The following GCC2 variants were observed in gnomAD, a reference collection of about 807,000 sequenced individuals.
GCC2 encodes GRIP and coiled-coil domain containing 2, also known as GRIP and coiled-coil domain-containing protein 2.
A neutral mutation model predicts 210.6 loss-of-function variants in GCC2; 120 were observed. That is an observed-to-expected ratio of 0.57 (90% CI 0.49 to 0.66). GCC2 has a LOEUF of 0.66. Ranked by LOEUF, GCC2 falls within the 30% of genes least tolerant of loss-of-function variation. The probability of loss-of-function intolerance (pLI) is 0.00; values close to 1 mark genes in which losing one functional copy is unlikely to be tolerated. For synonymous variants in GCC2, 703 were observed against 652.7 expected (o/e 1.08, Z -1.17); for missense variants, 1,868 against 1,871.9 (o/e 1.00, Z 0.04).
In GCC2 at chr2:108,470,662, T is replaced by G; in HGVS notation, c.1333T>G (p.Leu445Val). Residue 445 changes from leucine (L) to valine (V), a missense_variant, in exon 6 of 23, where the codon TTG becomes GTG. Physicochemically the swap from Leu to Val is conservative, Grantham distance 32. Transcript: ENST00000309863. ...AATATCAGAACTAAATGAGACATTTTTGTCAGATTCAGAAAAAGAAAAATT... is the reference window on the plus strand; with the variant it reads ...AATATCAGAACTAAATGAGACATTTGTGTCAGATTCAGAAAAAGAAAAATT... ...KEISELNETF[L>V]SDSEKEKLTL... 6.2e-7 allele frequency: 1 copy of G among 1,611,914 alleles called. No individual in the cohort carries two copies.
At chr2:108,468,368 C>T (rs1219278822) in intron 4 of GCC2, among the ~76,000 whole-genome samples, 3 of 152,116 alleles carry the variant, frequency 2.0e-5, no homozygotes, top group Non-Finnish European at 2.9e-5. Context: ...CCCCGACTTA[C>T]ATAGATATGC....
intron 4 of GCC2, among the ~76,000 whole-genome samples, chr2:108,464,827 C>T (rs1321143695): frequency 1.3e-5 from 2 of 152,166 alleles, no homozygotes; most frequent in Admixed American, 6.5e-5. Context: ...ATTCGTTCAT[C>T]GTTCTGCAAG....
At chr2:108,481,635 A>G (rs1281889433) in intron 9 of GCC2, 62 bp from the exon 10 acceptor site, 10 of 1,276,902 alleles carry the variant, frequency 7.8e-6, no homozygotes, top group Non-Finnish European at 1.1e-5. Context: ...TGGCTTGATG[A>G]TGAAGTCTGA....
chr2:108,493,999 C>T lies in GCC2; in HGVS notation c.4447+1209C>T, dbSNP rs541473065. 32 of 821,026 alleles carry T rather than the reference C, an allele frequency of 3.9e-5. No homozygotes were observed. In the South Asian group the frequency reaches 1.5e-3, roughly 38 times the overall value. 50.9% of individuals were successfully genotyped at this position (821,026 alleles called of 1,614,324 possible). A position where few individuals can be genotyped will look rare whatever the true frequency, so the allele number is the denominator to read the frequency against. ...CTGGTTTCTAACTCAGTTATGAGACCTTGGGCAAAGTCATTAAATTTCTCT... is the reference window on the plus strand; with the variant it reads ...CTGGTTTCTAACTCAGTTATGAGACTTTGGGCAAAGTCATTAAATTTCTCT... On this transcript the variant is annotated intron_variant, in intron 19 of 22. Coordinates refer to ENST00000309863, the MANE Select transcript of GCC2 (RefSeq NM_181453.4).
chr2:108,495,702 C>T (rs1682618479), intron 20 of GCC2: 1 of 318,458 alleles, frequency 3.1e-6, no homozygotes, highest in Non-Finnish European at 5.9e-6. Flanking sequence ...TTAAGTATTA[C>T]CTTACACGAT....
At chr2:108,469,159 T>A in intron 5 of GCC2, 75 bp downstream of exon 5, 1 of 808,982 alleles carries the variant, frequency 1.2e-6, no homozygotes, top group Non-Finnish European at 2.1e-6. Context: ...GGTAAGACTT[T>A]AAAAAGCATC....
At chr2:108,488,483 T>C (rs1682253478) in intron 17 of GCC2, among the ~76,000 whole-genome samples, 1 of 152,186 alleles carries the variant, frequency 6.6e-6, no homozygotes, top group Non-Finnish European at 1.5e-5. Context: ...AATTTAGAAG[T>C]AAAAATTAAA....
At chr2:108,467,396 C>A (rs1185405364) in intron 4 of GCC2, among the ~76,000 whole-genome samples, 1 of 152,110 alleles carries the variant, frequency 6.6e-6, no homozygotes, top group Non-Finnish European at 1.5e-5. Flanking sequence ...TTTCTAATTA[C>A]CTATAGATTC....
rs1198153560 is a variant in GCC2 at position 108,498,102 on chromosome 2, G to C, written c.4782+993G>C. Among the ~76,000 whole-genome samples the C allele has an allele frequency of 1.6e-4, 24 of 146,896 alleles. No individual in the cohort carries two copies. In the East Asian group the frequency reaches 2.2e-3, roughly 14 times the overall value. ...GCATCTCTATAAAATAACATTTTCT[G>C]ACTAATAAAAACATTATCGTAGCTA... On this transcript the variant is annotated intron_variant, in intron 21 of 22. Transcript: ENST00000309863.
At chr2:108,487,657 C>T (rs764948180) in intron 16 of GCC2, 42 bp from the exon 17 acceptor site, 1 of 1,556,304 alleles carries the variant, frequency 6.4e-7, no homozygotes, top group African/African-American at 1.4e-5. Flanking sequence ...TAGAAGGACC[C>T]TGTTACAGTA....
At chr2:108,479,158 G>A (rs897514030) in intron 9 of GCC2, among the ~76,000 whole-genome samples, 2 of 151,506 alleles carry the variant, frequency 1.3e-5, no homozygotes, top group South Asian at 2.1e-4. Context: ...GCGAGACAAC[G>A]TCTCAAAAAA....
chr2:108,483,143 C>G lies in GCC2; in HGVS notation c.3427C>G (p.Gln1143Glu), dbSNP rs1681959169. ...AAAGAAACAGCTTCAGAAAACCATGCAAGAATTAGAGCTGGTTAAAAAGGT... is the reference window on the plus strand; with the variant it reads ...AAAGAAACAGCTTCAGAAAACCATGGAAGAATTAGAGCTGGTTAAAAAGGT... ...KQKKQLQKTMQELELVKKDAQ... is the reference protein window; with the variant it reads ...KQKKQLQKTMEELELVKKDAQ... The change falls in exon 12 of 23, where the codon CAA becomes GAA. Residue 1143 changes from glutamine to glutamate, a missense_variant. This residue lies in a region of GCC2 where 1,847 missense variants were observed against 1,765.2 expected (regional missense o/e 1.05). Coordinates refer to ENST00000309863, the MANE Select transcript of GCC2 (RefSeq NM_181453.4). The G allele has an allele frequency of 1.3e-6, 2 of 1,539,326 alleles. No individual in the cohort carries two copies. Among genetic ancestry groups the G allele is most frequent in the South Asian group, 2.2e-5 (2 of 89,370 alleles).
In GCC2 at chr2:108,470,399, A is replaced by T; in HGVS notation, c.1070A>T (p.Tyr357Phe). ...QHSILKDEVT[Y>F]MNNLKLKLEM... ...AGTATCTTAAAAGATGAGGTAACTT[A>T]TATGAATAATCTTAAGTTAAAACTT... is the stretch of plus-strand genomic sequence containing the variant. The change falls in exon 6 of 23, where the codon TAT (tyrosine) becomes TTT (phenylalanine). Residue 357 changes from tyrosine to phenylalanine, a missense_variant. Coordinates refer to ENST00000309863, the MANE Select transcript of GCC2 (RefSeq NM_181453.4). The T allele has an allele frequency of 6.2e-7, 1 of 1,607,708 alleles. No homozygotes were observed. The highest frequency in any genetic ancestry group is 8.5e-7 in the Non-Finnish European group (1 of 1,175,404).
chr2:108,479,598 G>A (rs1403187742), intron 9 of GCC2, among the ~76,000 whole-genome samples: 2 of 152,024 alleles, frequency 1.3e-5, no homozygotes, highest in African/African-American at 2.4e-5. Context: ...CTGAGGTTGC[G>A]CCACTGCACT....
At position 108,475,303 on chromosome 2, in the gene GCC2, A is replaced by G. The variant is rs1034233333; in HGVS notation, c.2861-232A>G. ...ATTCCTGGAAACATATGAAACGGCTAGAAAAAAGTAGACTATTTTGGAGGA... is the reference window on the plus strand; with the variant it reads ...ATTCCTGGAAACATATGAAACGGCTGGAAAAAAGTAGACTATTTTGGAGGA... On this transcript the variant is annotated intron_variant, in intron 7 of 22. Transcript: ENST00000309863. 10 of 283,516 alleles carry G rather than the reference A, an allele frequency of 3.5e-5. No homozygotes were observed. In the East Asian group the frequency reaches 7.0e-4, roughly 20 times the overall value. The allele number at this position is 283,516 out of a possible 1,614,324, so 17.6% of individuals were successfully genotyped here. A position where few individuals can be genotyped will look rare whatever the true frequency, so the allele number is the denominator to read the frequency against.
chr2:108,455,009 T>A (rs1381820448), intron 4 of GCC2, among the ~76,000 whole-genome samples: 3 of 152,116 alleles, frequency 2.0e-5, no homozygotes, highest in Non-Finnish European at 4.4e-5. Context: ...CTAGAAAGTT[T>A]TTTATCCATT....
At chr2:108,456,489 T>G (rs1185986808) in intron 4 of GCC2, among the ~76,000 whole-genome samples, 3 of 152,242 alleles carry the variant, frequency 2.0e-5, no homozygotes, top group Admixed American at 2.0e-4. Flanking sequence ...GCCATTTCTT[T>G]GTCTTTTAAG....
At chr2:108,456,973 G>A (rs893838424) in intron 4 of GCC2, among the ~76,000 whole-genome samples, 7 of 149,982 alleles carry the variant, frequency 4.7e-5, no homozygotes, top group African/African-American at 1.5e-4. Flanking sequence ...AAAAATTTAA[G>A]ATGCCTTTCA....
At chr2:108,473,312 T>TA (rs11334213) in intron 7 of GCC2, 1,549 of 141,772 alleles carry the variant, frequency 0.011, 8 homozygotes, top group South Asian at 0.024. Flanking sequence ...TGTTTTGAGT[T>TA]AAAAAAAAAA....
Sources: gnomAD v4.1 joint callset for allele counts (sites outside exome capture counted in the v4.1 genomes callset) on GRCh38, gnomAD v4.1.1 for gene constraint, gnomAD v4.1.1 regional missense constraint, MANE v1.5 for transcripts, NCBI Gene and HGNC (gene_info 2026-07-23, HGNC 2026-07-21) for gene names.